GPRIN3: variants seen among roughly 807,000 people sequenced by gnomAD.
GPRIN3 encodes the protein GPRIN family member 3.
GPRIN3 carries 12 observed loss-of-function variants against 13.7 expected under a neutral mutation model. That is an observed-to-expected ratio of 0.87 (90% confidence interval 0.56 to 1.42). GPRIN3 has a LOEUF of 1.42. GPRIN3 is among the 40% of genes most tolerant of loss of function. GPRIN3 has a pLI of 0.00. For synonymous variants in GPRIN3, 377 were observed against 372.7 expected (o/e 1.01, Z -0.13); for missense variants, 1,009 against 958.7 (o/e 1.05, Z -0.69).
At chr4:89,287,150 T>C (rs1724444982) in intron 1 of GPRIN3, among the ~76,000 whole-genome samples, 1 of 152,112 alleles carries the variant, frequency 6.6e-6, no homozygotes, top group Non-Finnish European at 1.5e-5. Context: ...CAAACATATA[T>C]ACAAGACATA....
At chr4:89,303,313 G>T (rs558204996) in intron 1 of GPRIN3, among the ~76,000 whole-genome samples, 1 of 152,060 alleles carries the variant, frequency 6.6e-6, no homozygotes, top group African/African-American at 2.4e-5. Flanking sequence ...TGACCACCTC[G>T]GCCTTCTGTG....
chr4:89,254,128 G>GGGGTGTGTGTGTGT (rs150483417), intron 1 of GPRIN3, among the ~76,000 whole-genome samples: 2,780 of 147,720 alleles, frequency 0.019, 39 homozygotes, highest in Admixed American at 0.031. Context: ...GTTGCATCTG[G>GGGGTGTGTGTGTGT]GTGTGTGTGT....
Position 89,247,093 on chromosome 4 carries a change from T to C in GPRIN3, c.*687A>G, listed in dbSNP as rs989824311. The C allele has an allele frequency of 1.3e-5, 2 of 152,210 alleles. No homozygotes were observed. Among genetic ancestry groups the C allele is most frequent in the African/African-American group, 2.4e-5 (1 of 41,440 alleles). 9.4% of individuals were successfully genotyped at this position (152,210 alleles called of 1,614,324 possible). A position where few individuals can be genotyped will look rare whatever the true frequency, so the allele number is the denominator to read the frequency against. ...TGTTTAATGTAGGCAGTTTTCATAGTCAAAAGCTTAGCTAATGTTCCTAAT... is the reference window on the plus strand; with the variant it reads ...TGTTTAATGTAGGCAGTTTTCATAGCCAAAAGCTTAGCTAATGTTCCTAAT... On this transcript the variant is annotated 3_prime_UTR_variant, in exon 2 of 2. Transcript: ENST00000609438.
At chr4:89,268,412 G>A (rs1165407145) in intron 1 of GPRIN3, among the ~76,000 whole-genome samples, 1 of 152,154 alleles carries the variant, frequency 6.6e-6, no homozygotes, top group East Asian at 1.9e-4. Flanking sequence ...GTGATTAGGA[G>A]AATGTTGGAG....
chr4:89,275,165 C>T (rs147283253), intron 1 of GPRIN3, among the ~76,000 whole-genome samples: 1,041 of 76,708 alleles, frequency 0.014, 8 homozygotes, highest in Non-Finnish European at 0.011. Context: ...TGTGTCCACG[C>T]GCATGTGCAC....
chr4:89,272,857 A>G (rs2149272692), intron 1 of GPRIN3, among the ~76,000 whole-genome samples: 1 of 152,346 alleles, frequency 6.6e-6, no homozygotes, highest in Non-Finnish European at 1.5e-5. Context: ...AACTCACCAA[A>G]TTGATATGCA....
rs1463196781 is a variant in GPRIN3 at position 89,249,827 on chromosome 4, T to C, written c.284A>G (p.Asn95Ser). 7 of 1,613,854 alleles carry C rather than the reference T, an allele frequency of 4.3e-6. No individual in the cohort carries two copies. In the South Asian group the frequency reaches 6.6e-5, roughly 15 times the overall value. Residue 95 changes from asparagine to serine, a missense_variant, in exon 2 of 2, where the codon AAC (asparagine) becomes AGC (serine). Asn to Ser is a conservative substitution (Grantham distance 46, BLOSUM62 1). Coordinates refer to ENST00000609438, the MANE Select transcript of GPRIN3 (RefSeq NM_198281.3). Reference protein sequence around the residue: ...NEVQKAPATFNSPGNPQLPGS... With the variant: ...NEVQKAPATFSSPGNPQLPGS... Reference sequence around the variant, plus strand: ...TGGCAGCTGGGGATTGCCGGGAGAGTTGAATGTGGCAGGTGCTTTCTGCAC... The same window carrying C: ...TGGCAGCTGGGGATTGCCGGGAGAGCTGAATGTGGCAGGTGCTTTCTGCAC...
At chr4:89,264,533 A>G (rs1723732225) in intron 1 of GPRIN3, among the ~76,000 whole-genome samples, 1 of 152,120 alleles carries the variant, frequency 6.6e-6, no homozygotes, top group African/African-American at 2.4e-5. Flanking sequence ...TTCCCTGCAT[A>G]CTTGGGGAAG....
intron 1 of GPRIN3, among the ~76,000 whole-genome samples, chr4:89,255,567 G>A (rs1213840664): frequency 6.6e-6 from 1 of 152,146 alleles, no homozygotes; most frequent in Non-Finnish European, 1.5e-5. Flanking sequence ...CAAGGAGAGG[G>A]TTGTGGTGGG....
chr4:89,271,365 C>T lies in GPRIN3; in HGVS notation c.-123-21132G>A, dbSNP rs1723944797. 2.0e-5 allele frequency among the ~76,000 whole-genome samples: 3 copies of T among 152,182 alleles called. No individual in the cohort carries two copies. In the South Asian group the frequency reaches 6.2e-4, roughly 32 times the overall value. On this transcript the variant is annotated intron_variant, in intron 1 of 1. Transcript: ENST00000609438. ...AATGGCAGGATCAAAGACCCATTCCCAGTGCATGGTATAGACATACCATCA... is the reference window on the plus strand; with the variant it reads ...AATGGCAGGATCAAAGACCCATTCCTAGTGCATGGTATAGACATACCATCA...
chr4:89,252,943 C>T (rs150695344), intron 1 of GPRIN3, among the ~76,000 whole-genome samples: 4 of 151,452 alleles, frequency 2.6e-5, no homozygotes, highest in Admixed American at 6.6e-5. Context: ...CTTCAAGGCC[C>T]CACTTAAATC....
intron 1 of GPRIN3, among the ~76,000 whole-genome samples, chr4:89,305,632 G>A (rs773441177): frequency 5.3e-5 from 8 of 152,150 alleles, no homozygotes; most frequent in African/African-American, 1.2e-4. Context: ...CAATATTTCC[G>A]TGTTTCCTGC....
intron 1 of GPRIN3, chr4:89,251,334 C>T (rs1382855181): frequency 6.6e-6 from 1 of 152,070 alleles, no homozygotes; most frequent in Non-Finnish European, 1.5e-5. Flanking sequence ...CTAGGGAGAC[C>T]TAGCAAAAGG....
chr4:89,265,120 T>C (rs1357363156), intron 1 of GPRIN3, among the ~76,000 whole-genome samples: 7 of 152,190 alleles, frequency 4.6e-5, no homozygotes. Flanking sequence ...TAAGGACATA[T>C]ATAGGTGAGG....
At chr4:89,277,005 A>G (rs1350650226) in intron 1 of GPRIN3, among the ~76,000 whole-genome samples, 1 of 152,110 alleles carries the variant, frequency 6.6e-6, no homozygotes, top group African/African-American at 2.4e-5. Flanking sequence ...GATAATTTTA[A>G]TGTCTTTTTT....
At chr4:89,296,989 A>G (rs919209343) in intron 1 of GPRIN3, among the ~76,000 whole-genome samples, 1 of 152,176 alleles carries the variant, frequency 6.6e-6, no homozygotes, top group African/African-American at 2.4e-5. Flanking sequence ...TTACATTTTG[A>G]CCCACTGTGA....
intron 1 of GPRIN3, among the ~76,000 whole-genome samples, chr4:89,291,574 T>C (rs1724573023): frequency 6.6e-6 from 1 of 152,222 alleles, no homozygotes. Context: ...ATTCCTTTAC[T>C]AGTTGAGGGA....
Position 89,241,213 on chromosome 4 carries a change from A to T in GPRIN3, c.*6567T>A, listed in dbSNP as rs1272978314. 6.6e-6 allele frequency: 1 copy of T among 152,134 alleles called. No homozygotes were observed. The allele number at this position is 152,134 out of a possible 1,614,324, so 9.4% of individuals were successfully genotyped here. Reference sequence around the variant, plus strand: ...ACCTACTCAAGGAGATGATAAAAAAAAAACACAAATCAAACAGCCCTTTCT... The same window carrying T: ...ACCTACTCAAGGAGATGATAAAAAATAAACACAAATCAAACAGCCCTTTCT... On this transcript the variant is annotated 3_prime_UTR_variant, in exon 2 of 2. Coordinates refer to ENST00000609438, the MANE Select transcript of GPRIN3 (RefSeq NM_198281.3).
rs1724415695 is a variant in GPRIN3, at chr4:89,286,449, C to A, written c.-124+21166G>T. Among the ~76,000 whole-genome samples, 3 of 152,140 alleles carry A rather than the reference C, an allele frequency of 2.0e-5. No individual in the cohort carries two copies. In the South Asian group the frequency reaches 6.2e-4, roughly 32 times the overall value. On this transcript the variant is annotated intron_variant, in intron 1 of 1. Coordinates refer to ENST00000609438, the MANE Select transcript of GPRIN3 (RefSeq NM_198281.3). ...CAAGTTTGTCTTTCGCTGGTGCTTT[C>A]CTACACTGTGTCTTTATCACAGCTG...
Sources: gnomAD v4.1 joint callset for allele counts (sites outside exome capture counted in the v4.1 genomes callset) on GRCh38, gnomAD v4.1.1 for gene constraint, MANE v1.5 for transcripts, NCBI Gene and HGNC (gene_info 2026-07-23, HGNC 2026-07-21) for gene names.